FHIT: variants seen among roughly 807,000 people sequenced by gnomAD.
The protein encoded by FHIT is fragile histidine triad diadenosine triphosphatase, also known as bis(5'-adenosyl)-triphosphatase.
Under a neutral mutation model 17.9 loss-of-function variants are expected in FHIT, and 19 were observed. The ratio of observed to expected loss-of-function variants is 1.06; its 90% CI spans 0.74 to 1.56. The LOEUF (loss-of-function observed/expected upper bound fraction) is 1.56, where lower values mean the gene tolerates loss of function less well. FHIT is among the 40% of genes most tolerant of loss of function. FHIT has a pLI of 0.00. For synonymous variants in FHIT, 81 were observed against 69.7 expected (o/e 1.16, Z -0.81); for missense variants, 248 against 189.2 (o/e 1.31, Z -1.82).
At chr3:60,955,618 A>ATATATATATATATACG in intron 3 of FHIT, among the ~76,000 whole-genome samples, 1 of 14,574 alleles carries the variant, frequency 6.9e-5, no homozygotes. Context: ...ATATATATAT[A>ATATATATATATATACG]TATATATATA....
intron 4 of FHIT, among the ~76,000 whole-genome samples, chr3:60,757,108 G>C (rs1553718489): frequency 6.6e-6 from 1 of 152,146 alleles, no homozygotes; most frequent in Non-Finnish European, 1.5e-5. Context: ...TCAAGTATGT[G>C]TTATTAATAT....
At chr3:59,841,819 G>A (rs1372282292) in intron 8 of FHIT, among the ~76,000 whole-genome samples, 1 of 152,012 alleles carries the variant, frequency 6.6e-6, no homozygotes, top group African/African-American at 2.4e-5. Flanking sequence ...GAGACCTATG[G>A]GATTAGCAGG....
chr3:61,219,123 G>A (rs535975441), intron 1 of FHIT, among the ~76,000 whole-genome samples: 4 of 152,204 alleles, frequency 2.6e-5, no homozygotes, highest in South Asian at 2.1e-4. Flanking sequence ...ATTATAACAC[G>A]ATGATAAGTA....
intron 4 of FHIT, among the ~76,000 whole-genome samples, chr3:60,571,348 A>T (rs1389115682): frequency 5.4e-5 from 8 of 149,206 alleles, no homozygotes; most frequent in Non-Finnish European, 7.4e-5. Flanking sequence ...AAAAAAAAAA[A>T]AAAAAAAAAA....
chr3:61,053,356 CT>C (rs2034097490), intron 2 of FHIT, among the ~76,000 whole-genome samples: 1 of 152,036 alleles, frequency 6.6e-6, no homozygotes, highest in Non-Finnish European at 1.5e-5. Context: ...ATTCTTGGGG[CT>C]TTTTAAAAAA....
intron 5 of FHIT, among the ~76,000 whole-genome samples, chr3:60,516,155 A>G (rs2035146110): frequency 2.0e-5 from 3 of 152,208 alleles, no homozygotes; most frequent in African/African-American, 7.2e-5. Flanking sequence ...TACACCGAAG[A>G]GCTTGAATTT....
At position 60,214,889 on chromosome 3, in the gene FHIT, C is replaced by A. The variant is rs184444718; in HGVS notation, c.104-200737G>T. 3.2e-3 allele frequency among the ~76,000 whole-genome samples: 489 copies of A among 152,214 alleles called. 15 individuals are homozygous for A. Among genetic ancestry groups the A allele is most frequent in the Admixed American group, 0.029 (441 of 15,286 alleles). ...CAGCAACGTGGATGCAGCTGGAGGC[C>A]ATTATCCTAAGCAAACTAACACAGG... is the stretch of plus-strand genomic sequence containing the variant. On this transcript the variant is annotated intron_variant, in intron 5 of 9. Transcript: ENST00000492590.
chr3:60,895,047 A>T (rs970820359), intron 3 of FHIT, among the ~76,000 whole-genome samples: 10 of 152,136 alleles, frequency 6.6e-5, no homozygotes, highest in Non-Finnish European at 1.3e-4. Flanking sequence ...CTGTATGGCC[A>T]CTTTCCTCCA....
chr3:60,036,554 A>G (rs1351852595), intron 5 of FHIT, among the ~76,000 whole-genome samples: 2 of 152,218 alleles, frequency 1.3e-5, no homozygotes, highest in South Asian at 2.1e-4. Flanking sequence ...TCTTATTTAT[A>G]TCATAAAGAT....
intron 8 of FHIT, among the ~76,000 whole-genome samples, chr3:59,794,411 G>C (rs931664033): frequency 1.3e-5 from 2 of 152,198 alleles, no homozygotes; most frequent in African/African-American, 4.8e-5. Context: ...AACTTACAGA[G>C]GAGATACCAG....
chr3:60,992,222 C>T (rs879648281), intron 3 of FHIT, among the ~76,000 whole-genome samples: 5 of 152,044 alleles, frequency 3.3e-5, no homozygotes, highest in Admixed American at 2.0e-4. Context: ...TATAAGGGAC[C>T]GTATTTGGAA....
At chr3:59,799,967 T>C (rs111939633) in intron 8 of FHIT, among the ~76,000 whole-genome samples, 2,149 of 152,284 alleles carry the variant, frequency 0.014, 53 homozygotes, top group African/African-American at 0.049. Context: ...CTTGAGACTT[T>C]ACAGGCTCCT....
At chr3:59,960,995 G>A (rs755232850) in intron 7 of FHIT, among the ~76,000 whole-genome samples, 22 of 152,310 alleles carry the variant, frequency 1.4e-4, no homozygotes, top group Admixed American at 2.6e-4. Flanking sequence ...ACTCTAAGAC[G>A]ATTCTTGATT....
At chr3:60,846,922 C>T (rs570829425) in intron 3 of FHIT, among the ~76,000 whole-genome samples, 126 of 152,148 alleles carry the variant, frequency 8.3e-4, no homozygotes, top group African/African-American at 2.9e-3. Flanking sequence ...CTCCCAGGTT[C>T]AAGCAATTCT....
intron 5 of FHIT, among the ~76,000 whole-genome samples, chr3:60,325,335 A>T (rs1709641386): frequency 6.6e-6 from 1 of 152,156 alleles, no homozygotes; most frequent in Non-Finnish European, 1.5e-5. Flanking sequence ...GTCACTAAAA[A>T]CTTTTGATAA....
intron 4 of FHIT, among the ~76,000 whole-genome samples, chr3:60,772,687 G>T (rs1032559026): frequency 1.3e-5 from 2 of 152,062 alleles, no homozygotes; most frequent in African/African-American, 4.8e-5. Context: ...TGCTGCTAAG[G>T]TACAGACATG....
chr3:59,997,856 T>C (rs969721673), intron 7 of FHIT, among the ~76,000 whole-genome samples: 1 of 152,178 alleles, frequency 6.6e-6, no homozygotes, highest in Non-Finnish European at 1.5e-5. Context: ...AGTGGGGTGA[T>C]AAATATAAGC....
At chr3:60,388,722 G>A (rs1415953372) in intron 5 of FHIT, among the ~76,000 whole-genome samples, 1 of 152,196 alleles carries the variant, frequency 6.6e-6, no homozygotes. Flanking sequence ...CTCTTTGTGT[G>A]TTACTGATGT....
intron 5 of FHIT, among the ~76,000 whole-genome samples, chr3:60,246,995 C>T (rs1705428969): frequency 1.3e-5 from 2 of 152,064 alleles, no homozygotes; most frequent in Admixed American, 1.3e-4. Flanking sequence ...AGATTACATG[C>T]AAGTAACTAT....
Sources: allele counts gnomAD v4.1 joint callset (sites outside exome capture counted in the v4.1 genomes callset), GRCh38; gene constraint gnomAD v4.1.1; transcripts MANE v1.5; gene names NCBI Gene and HGNC (gene_info 2026-07-23, HGNC 2026-07-21).